SYT16: variants seen among roughly 807,000 people sequenced by gnomAD.
SYT16 encodes synaptotagmin 16, also known as synaptotagmin-16.
SYT16 carries 42 observed loss-of-function variants against 61.4 expected under a neutral mutation model. The ratio of observed to expected loss-of-function variants is 0.68; its 90% CI spans 0.53 to 0.89. The LOEUF (loss-of-function observed/expected upper bound fraction) is 0.89. SYT16 is among the 40% of genes least tolerant of loss of function. SYT16 has a pLI of 0.00. For synonymous variants in SYT16, 314 were observed against 302.3 expected (o/e 1.04, Z -0.40); for missense variants, 804 against 807.3 (o/e 1.00, Z 0.05).
intron 1 of SYT16, among the ~76,000 whole-genome samples, chr14:61,860,814 G>A (rs1041262067): frequency 2.6e-5 from 4 of 152,088 alleles, no homozygotes; most frequent in Non-Finnish European, 5.9e-5. Context: ...GCCTTGTTTA[G>A]CTATGTTGAT....
At chr14:62,027,501 G>C (rs2054147598) in intron 3 of SYT16, among the ~76,000 whole-genome samples, 1 of 152,178 alleles carries the variant, frequency 6.6e-6, no homozygotes, top group Admixed American at 6.5e-5. Context: ...TGTTACCTAT[G>C]TTTCATTGAC....
At chr14:61,882,569 T>C (rs2047738235) in intron 1 of SYT16, among the ~76,000 whole-genome samples, 4 of 152,160 alleles carry the variant, frequency 2.6e-5, no homozygotes, top group Non-Finnish European at 4.4e-5. Context: ...AGATTTTGGG[T>C]GAGGACCAAA....
intron 1 of SYT16, among the ~76,000 whole-genome samples, chr14:61,964,713 A>G (rs1237318906): frequency 1.3e-5 from 2 of 152,172 alleles, no homozygotes; most frequent in African/African-American, 4.8e-5. Context: ...ATCATATGCT[A>G]CAGAGAAATC....
chr14:62,047,757 G>C (rs2055061534), intron 3 of SYT16, among the ~76,000 whole-genome samples: 1 of 152,154 alleles, frequency 6.6e-6, no homozygotes, highest in African/African-American at 2.4e-5. Flanking sequence ...CATTGGTTCT[G>C]TTTATATGCT....
At chr14:61,842,661 A>G (rs2046330671) in intron 1 of SYT16, among the ~76,000 whole-genome samples, 1 of 152,090 alleles carries the variant, frequency 6.6e-6, no homozygotes, top group African/African-American at 2.4e-5. Flanking sequence ...CATTCTCAGC[A>G]AACTATCGCA....
chr14:61,833,015 T>G (rs909791784), intron 1 of SYT16, among the ~76,000 whole-genome samples: 3 of 152,218 alleles, frequency 2.0e-5, no homozygotes, highest in Non-Finnish European at 4.4e-5. Flanking sequence ...CGTTTCCTCC[T>G]GTGTTCTGTG....
chr14:62,093,291 T>A (rs1031618276), intron 7 of SYT16, among the ~76,000 whole-genome samples: 1 of 151,996 alleles, frequency 6.6e-6, no homozygotes, highest in African/African-American at 2.4e-5. Context: ...ACCAATTCAA[T>A]AGAAAGCAGA....
chr14:62,018,608 A>C (rs1400105308), intron 3 of SYT16, among the ~76,000 whole-genome samples: 1 of 151,910 alleles, frequency 6.6e-6, no homozygotes, highest in Admixed American at 6.6e-5. Context: ...TGCCTGGTCT[A>C]CCTTGGGTCT....
intron 1 of SYT16, among the ~76,000 whole-genome samples, chr14:61,923,319 T>C (rs2049412120): frequency 6.6e-6 from 1 of 152,212 alleles, no homozygotes; most frequent in Non-Finnish European, 1.5e-5. Flanking sequence ...ATGGCAATGA[T>C]GAAGACTACT....
At chr14:62,049,121 T>G (rs987207419) in intron 3 of SYT16, among the ~76,000 whole-genome samples, 2 of 152,130 alleles carry the variant, frequency 1.3e-5, no homozygotes, top group African/African-American at 4.8e-5. Context: ...AAGTCTCTTT[T>G]TATGTCACTA....
intron 3 of SYT16, among the ~76,000 whole-genome samples, chr14:62,025,908 AATTACATTTT>A (rs143293539): frequency 0.048 from 7,326 of 152,098 alleles, 295 homozygotes; most frequent in African/African-American, 0.12. Context: ...ATATTTCTCT[AATTACATTTT>A]TCTATTGGAT....
chr14:61,894,800 T>C (rs914918852), intron 1 of SYT16, among the ~76,000 whole-genome samples: 9 of 152,250 alleles, frequency 5.9e-5, no homozygotes, highest in African/African-American at 2.2e-4. Flanking sequence ...ATCATGTTTT[T>C]AAAACTTAAA....
chr14:61,998,907 A>G (rs1444143719), intron 3 of SYT16, among the ~76,000 whole-genome samples: 1 of 151,944 alleles, frequency 6.6e-6, no homozygotes, highest in Non-Finnish European at 1.5e-5. Context: ...ACATCTATTG[A>G]GATGATCATA....
intron 3 of SYT16, among the ~76,000 whole-genome samples, chr14:62,004,264 G>C (rs551866170): frequency 1.3e-5 from 2 of 152,224 alleles, no homozygotes; most frequent in African/African-American, 4.8e-5. Context: ...GAGAGAGAGC[G>C]CACAAGCGAG....
At chr14:61,861,407 T>C (rs1241790089) in intron 1 of SYT16, among the ~76,000 whole-genome samples, 2 of 152,222 alleles carry the variant, frequency 1.3e-5, no homozygotes, top group Non-Finnish European at 2.9e-5. Flanking sequence ...TTACTTTCTT[T>C]CGGATAATCT....
intron 1 of SYT16, among the ~76,000 whole-genome samples, chr14:61,861,070 T>A (rs2046947346): frequency 6.6e-6 from 1 of 151,754 alleles, no homozygotes; most frequent in Non-Finnish European, 1.5e-5. Flanking sequence ...CAGCAAGGAG[T>A]GAACTAGAAG....
chr14:62,091,249 C>A (rs2057062823), intron 7 of SYT16, among the ~76,000 whole-genome samples: 1 of 152,258 alleles, frequency 6.6e-6, no homozygotes, highest in South Asian at 2.1e-4. Context: ...CTCAGCTTAG[C>A]ATTTTGTTCC....
chr14:61,874,524 T>C (rs1314953138), intron 1 of SYT16, among the ~76,000 whole-genome samples: 1 of 152,204 alleles, frequency 6.6e-6, no homozygotes, highest in Non-Finnish European at 1.5e-5. Flanking sequence ...TCAGACAAGG[T>C]ACAGAGAATA....
intron 3 of SYT16, among the ~76,000 whole-genome samples, chr14:62,063,265 T>C (rs2055908297): frequency 6.6e-6 from 1 of 152,182 alleles, no homozygotes; most frequent in Non-Finnish European, 1.5e-5. Flanking sequence ...AGAGGGCACA[T>C]GCTTTCCTGT....
Sources: allele counts gnomAD v4.1 joint callset (sites outside exome capture counted in the v4.1 genomes callset), GRCh38; gene constraint gnomAD v4.1.1; transcripts MANE v1.5; gene names NCBI Gene and HGNC (gene_info 2026-07-23, HGNC 2026-07-21).